The following SNX7 variants were observed in gnomAD, a reference collection of about 807,000 sequenced individuals.
SNX7 encodes sorting nexin-7.
Under a neutral mutation model 48.4 loss-of-function variants are expected in SNX7, and 35 were observed. The ratio of observed to expected loss-of-function variants is 0.72; its 90% CI spans 0.55 to 0.96. The LOEUF (loss-of-function observed/expected upper bound fraction) is 0.96, where lower values mean the gene tolerates loss of function less well. SNX7 is among the 40% of genes least tolerant of loss of function. The probability of loss-of-function intolerance (pLI) is 0.00; values close to 1 mark genes in which losing one functional copy is unlikely to be tolerated. For missense variants in SNX7, 553 were observed against 548.9 expected, an observed-to-expected ratio of 1.01 and a Z score of -0.07; for synonymous variants, 190 against 190.2, an observed-to-expected ratio of 1.00 and a Z score of 0.01.
chr1:98,747,691 A>G (rs1654372671), intron 8 of SNX7, among the ~76,000 whole-genome samples: 1 of 152,182 alleles, frequency 6.6e-6, no homozygotes, highest in Non-Finnish European at 1.5e-5. Context: ...AGTCGATTTA[A>G]TATTGAAGCA....
chr1:98,691,271 CT>C, intron 3 of SNX7, 86 bp downstream of exon 3: 1 of 691,074 alleles, frequency 1.4e-6, no homozygotes, highest in Non-Finnish European at 2.3e-6. Context: ...AATTTCAGAC[CT>C]TAAGTTCACT....
At chr1:98,727,036 C>T (rs1411162550) in intron 7 of SNX7, among the ~76,000 whole-genome samples, 1 of 152,134 alleles carries the variant, frequency 6.6e-6, no homozygotes, top group African/African-American at 2.4e-5. Flanking sequence ...CAGTGAAACC[C>T]CGTCTCTGCT....
chr1:98,693,199 T>C (rs200599677), intron 4 of SNX7, among the ~76,000 whole-genome samples: 6 of 126,766 alleles, frequency 4.7e-5, no homozygotes, highest in African/African-American at 1.4e-4. Flanking sequence ...GATGGATGGA[T>C]GGACGGACAG....
At chr1:98,685,768 T>C (rs1650760954) in intron 2 of SNX7, among the ~76,000 whole-genome samples, 1 of 152,142 alleles carries the variant, frequency 6.6e-6, no homozygotes, top group African/African-American at 2.4e-5. Context: ...GCTGAAAAAG[T>C]TCTGAACTAT....
intron 7 of SNX7, among the ~76,000 whole-genome samples, chr1:98,704,156 AT>A (rs922532068): frequency 1.3e-5 from 2 of 151,310 alleles, no homozygotes; most frequent in African/African-American, 4.8e-5. Context: ...ATATTTTGTT[AT>A]AACTTAATCA....
intron 1 of SNX7, among the ~76,000 whole-genome samples, chr1:98,663,368 AGCC>A (rs1649373159): frequency 7.0e-6 from 1 of 143,756 alleles, no homozygotes; most frequent in East Asian, 2.1e-4. Context: ...TACAGGCTTG[AGCC>A]ACAGTGACTC....
intron 4 of SNX7, among the ~76,000 whole-genome samples, chr1:98,693,971 GAT>G (rs1474474980): frequency 6.6e-5 from 10 of 152,086 alleles, no homozygotes; most frequent in African/African-American, 2.4e-4. Context: ...CTTCTCAAGG[GAT>G]ATGTTTCTGT....
intron 1 of SNX7, among the ~76,000 whole-genome samples, chr1:98,673,442 C>T (rs1010084686): frequency 6.6e-6 from 1 of 152,184 alleles, no homozygotes; most frequent in Non-Finnish European, 1.5e-5. Flanking sequence ...GCAACCTGCT[C>T]CATTTTTTCC....
chr1:98,752,242 G>T (rs1487879701), intron 8 of SNX7, among the ~76,000 whole-genome samples: 7 of 151,864 alleles, frequency 4.6e-5, no homozygotes, highest in Non-Finnish European at 8.8e-5. Flanking sequence ...TATATTTCTT[G>T]AGTTTTTCCT....
chr1:98,750,341 C>G (rs1270416247), intron 8 of SNX7, among the ~76,000 whole-genome samples: 1 of 151,966 alleles, frequency 6.6e-6, no homozygotes, highest in Non-Finnish European at 1.5e-5. Flanking sequence ...GGCATGACTT[C>G]TGACTTTTAG....
At chr1:98,711,422 AG>A (rs201212126) in intron 7 of SNX7, among the ~76,000 whole-genome samples, 1,941 of 152,316 alleles carry the variant, frequency 0.013, 54 homozygotes, top group African/African-American at 0.045. Context: ...GATTTATTAC[AG>A]GCATACCTTG....
At chr1:98,664,702 A>G (rs989693310) in intron 1 of SNX7, among the ~76,000 whole-genome samples, 2 of 152,194 alleles carry the variant, frequency 1.3e-5, no homozygotes, top group South Asian at 4.1e-4. Context: ...CTAAATGGCA[A>G]TATAAATCAA....
At chr1:98,670,164 A>G (rs1048250572) in intron 1 of SNX7, among the ~76,000 whole-genome samples, 1 of 152,236 alleles carries the variant, frequency 6.6e-6, no homozygotes, top group African/African-American at 2.4e-5. Flanking sequence ...TTGATGATAC[A>G]GAGAGCTATG....
Position 98,694,596 on chromosome 1 carries a change from A to ATTTTTTTTTTT in SNX7, c.640-903_640-893dup, listed in dbSNP as rs764330196. Among the ~76,000 whole-genome samples, 37 of 53,222 alleles carry ATTTTTTTTTTT rather than the reference A, an allele frequency of 7.0e-4. 7 individuals are homozygous for ATTTTTTTTTTT. The highest frequency in any genetic ancestry group is 1.8e-3 in the Admixed American group (5 of 2,818). 34.9% of individuals were successfully genotyped at this position (53,222 alleles called of 152,430 possible). On this transcript the variant is annotated intron_variant, in intron 4 of 8. Coordinates refer to ENST00000306121, the MANE Select transcript of SNX7 (RefSeq NM_015976.5). ...TGCTCTACCACTTAATTGCTCTGGGATTTTTTTTTTTTTTTTTTTTTTTTT... is the reference window on the plus strand; with the variant it reads ...TGCTCTACCACTTAATTGCTCTGGGATTTTTTTTTTTTTTTTTTTTTTTTTTTTTTTTTTTT...
At chr1:98,691,954 C>A (rs1469959693) in intron 4 of SNX7, among the ~76,000 whole-genome samples, 3 of 151,494 alleles carry the variant, frequency 2.0e-5, no homozygotes, top group African/African-American at 7.3e-5. Flanking sequence ...CTCTCTCTCT[C>A]TCTCTCTCTC....
At chr1:98,689,904 A>G (rs889516812) in intron 2 of SNX7, among the ~76,000 whole-genome samples, 1 of 152,148 alleles carries the variant, frequency 6.6e-6, no homozygotes, top group African/African-American at 2.4e-5. Flanking sequence ...TTTTGTGAAC[A>G]TTTAGTTTCT....
chr1:98,699,363 T>C (rs950704527), intron 6 of SNX7, among the ~76,000 whole-genome samples: 1 of 152,170 alleles, frequency 6.6e-6, no homozygotes. Context: ...TTAAAAGAAA[T>C]CTTTCAAGTT....
chr1:98,664,613 A>G (rs1259874965), intron 1 of SNX7, among the ~76,000 whole-genome samples: 2 of 152,232 alleles, frequency 1.3e-5, no homozygotes, highest in African/African-American at 4.8e-5. Context: ...TGTGTTAAGT[A>G]TGCTTTAAAA....
At chr1:98,666,316 T>A (rs1050105161) in intron 1 of SNX7, among the ~76,000 whole-genome samples, 3 of 152,158 alleles carry the variant, frequency 2.0e-5, no homozygotes, top group South Asian at 2.1e-4. Context: ...GAAATGGAAA[T>A]AGCATTGCTG....
Sources: allele counts gnomAD v4.1 joint callset (sites outside exome capture counted in the v4.1 genomes callset), GRCh38; gene constraint gnomAD v4.1.1; transcripts MANE v1.5; gene names NCBI Gene and HGNC (gene_info 2026-07-23, HGNC 2026-07-21).